The following SCN9A variants were observed in gnomAD, a reference collection of about 807,000 sequenced individuals.
SCN9A encodes sodium voltage-gated channel alpha subunit 9, also known as sodium channel protein type 9 subunit alpha.
SCN9A carries 131 observed loss-of-function variants against 187.0 expected under a neutral mutation model. The observed-to-expected ratio is 0.70, with a 90% CI of 0.61 to 0.81. The LOEUF is 0.81. Among genes scored for constraint, SCN9A ranks in the 30% least tolerant of loss-of-function variants. SCN9A has a pLI of 0.00. For synonymous variants in SCN9A, 809 were observed against 808.6 expected, an observed-to-expected ratio of 1.00 and a Z score of -0.01; for missense variants, 2,252 against 2,396.6, an observed-to-expected ratio of 0.94 and a Z score of 1.26.
intron 24 of SCN9A, among the ~76,000 whole-genome samples, chr2:166,215,535 A>C (rs563210815): frequency 6.6e-6 from 1 of 152,166 alleles, no homozygotes; most frequent in East Asian, 1.9e-4. Flanking sequence ...TAACCAAGGG[A>C]AAAAAGACAA....
At chr2:166,351,864 C>T (rs1700041216) in intron 1 of SCN9A, among the ~76,000 whole-genome samples, 1 of 152,020 alleles carries the variant, frequency 6.6e-6, no homozygotes, top group Non-Finnish European at 1.5e-5. Context: ...TCATCATCAA[C>T]CTGATACCAT....
intron 1 of SCN9A, among the ~76,000 whole-genome samples, chr2:166,370,238 C>A (rs1389914870): frequency 4.0e-5 from 6 of 149,204 alleles, no homozygotes; most frequent in African/African-American, 1.5e-4. Context: ...TAATAATAAT[C>A]ATCATCATCA....
intron 9 of SCN9A, among the ~76,000 whole-genome samples, chr2:166,289,751 C>T (rs1697956517): frequency 6.6e-6 from 1 of 152,102 alleles, no homozygotes; most frequent in Admixed American, 6.6e-5. Context: ...CTAATTTACA[C>T]TCCTACCAAC....
intron 24 of SCN9A, among the ~76,000 whole-genome samples, chr2:166,206,695 C>A (rs1003281224): frequency 6.6e-6 from 1 of 151,926 alleles, no homozygotes; most frequent in South Asian, 2.1e-4. Context: ...CATACAATAA[C>A]CAAAATTGTA....
chr2:166,339,058 C>T (rs972648370), intron 1 of SCN9A, among the ~76,000 whole-genome samples: 2 of 152,126 alleles, frequency 1.3e-5, no homozygotes, highest in African/African-American at 2.4e-5. Context: ...ATCGATGACT[C>T]ATTTGGCTTT....
rs372584040 is a variant in SCN9A, at chr2:166,276,979, A to G, written c.2874+4T>C. The G allele has an allele frequency of 3.4e-5, 54 of 1,610,222 alleles. No individual in the cohort carries two copies. The highest frequency in any genetic ancestry group is 4.2e-5 in the Non-Finnish European group (50 of 1,177,824). Reference sequence around the variant, plus strand: ...TTAAAATGCATGAACATCTGGTTACATACCACCAGGTTTCCAATGACCATG... The same window carrying G: ...TTAAAATGCATGAACATCTGGTTACGTACCACCAGGTTTCCAATGACCATG... On this transcript the variant is annotated splice_donor_region_variant and intron_variant, in intron 16 of 26. Coordinates refer to ENST00000642356, the MANE Select transcript of SCN9A (RefSeq NM_001365536.1).
intron 24 of SCN9A, among the ~76,000 whole-genome samples, chr2:166,207,031 C>A (rs1284645572): frequency 6.6e-6 from 1 of 152,140 alleles, no homozygotes; most frequent in Non-Finnish European, 1.5e-5. Flanking sequence ...AAGCCTAAAT[C>A]TTACAAAGGG....
At chr2:166,366,156 A>G (rs953753624) in intron 1 of SCN9A, among the ~76,000 whole-genome samples, 1 of 152,192 alleles carries the variant, frequency 6.6e-6, no homozygotes, top group African/African-American at 2.4e-5. Flanking sequence ...TTGGAGGCCA[A>G]CTAGACCGGA....
chr2:166,311,550 G>A lies in SCN9A; in HGVS notation c.207C>T (p.Gly69=). Residue 69 remains glycine, a synonymous_variant, in exon 2 of 27, where the codon GGC becomes GGT. Coordinates refer to ENST00000642356, the MANE Select transcript of SCN9A (RefSeq NM_001365536.1). ...AGTCCTCCAGGGGCTCTGACACCATGCCGGGAGGAATGTCCCCATAGATGA... is the reference window on the plus strand; with the variant it reads ...AGTCCTCCAGGGGCTCTGACACCATACCGGGAGGAATGTCCCCATAGATGA... ...LPFIYGDIPP[G]MVSEPLEDLD... is the part of the protein sequence containing the mutation. 1 of 1,612,616 alleles carries A rather than the reference G, an allele frequency of 6.2e-7. No homozygotes were observed. The highest frequency in any genetic ancestry group is 8.5e-7 in the Non-Finnish European group (1 of 1,179,390).
chr2:166,250,476 A>T (rs1053248208), intron 18 of SCN9A, among the ~76,000 whole-genome samples: 1 of 152,120 alleles, frequency 6.6e-6, no homozygotes, highest in Non-Finnish European at 1.5e-5. Context: ...CTGAAGAACA[A>T]GATTTTAAAT....
At chr2:166,289,286 A>G (rs900874923) in intron 9 of SCN9A, among the ~76,000 whole-genome samples, 2 of 151,130 alleles carry the variant, frequency 1.3e-5, no homozygotes, top group African/African-American at 4.9e-5. Flanking sequence ...TGCTGCACCC[A>G]TCAACCTGTT....
chr2:166,329,630 C>T lies in SCN9A; in HGVS notation c.-50-17824G>A, dbSNP rs76564908. On this transcript the variant is annotated intron_variant, in intron 1 of 26. Coordinates refer to ENST00000642356, the MANE Select transcript of SCN9A (RefSeq NM_001365536.1). ...CAAATATTTTTAAGGTGCCAGGTGCCTGGGACACAATACTAACTAGGTGGC... is the reference window on the plus strand; with the variant it reads ...CAAATATTTTTAAGGTGCCAGGTGCTTGGGACACAATACTAACTAGGTGGC... 9.1e-3 allele frequency among the ~76,000 whole-genome samples: 1,382 copies of T among 152,070 alleles called. 31 individuals carry two copies. The highest frequency in any genetic ancestry group is 0.03 in the African/African-American group (1,253 of 41,460).
Position 166,242,631 on chromosome 2 carries a change from G to A in SCN9A, c.3498C>T (p.Cys1166=), listed in dbSNP as rs1189451394. 4 of 1,551,758 alleles carry A rather than the reference G, an allele frequency of 2.6e-6. 1 individual carries two copies. Among genetic ancestry groups the A allele is most frequent in the Middle Eastern group, 1.7e-4 (1 of 5,988 alleles). Residue 1166 remains cysteine, a synonymous_variant, in exon 19 of 27, where the codon TGC becomes TGT. Transcript: ENST00000642356. ...CTTTCCCTGACTCTATGTTAACTTG[G>A]CAGCATGAGAACCTCCATACACAAC... The part of the protein sequence containing the change: ...TDGCVWRFSC[C]QVNIESGKGK...
intron 10 of SCN9A, among the ~76,000 whole-genome samples, chr2:166,287,959 C>CAT (rs966341421): frequency 6.2e-5 from 9 of 145,900 alleles, no homozygotes; most frequent in South Asian, 2.1e-4. Flanking sequence ...TATATATATA[C>CAT]ATATATATAT....
At chr2:166,294,253 A>G (rs1698203562) in intron 8 of SCN9A, among the ~76,000 whole-genome samples, 1 of 152,220 alleles carries the variant, frequency 6.6e-6, no homozygotes. Flanking sequence ...TTGGGAGTAG[A>G]AAGAAAAATA....
rs1322811687 is a variant in SCN9A, at chr2:166,226,669, G to A, written c.4296C>T (p.Tyr1432=). ...TAAAGACGACAAAATAAATATACAT[G>A]TAGAGGCTATATTCATATTTGGGCT... ...DKQPKYEYSL[Y]MYIYFVVFII... Residue 1432 remains tyrosine (Y), a synonymous_variant, in exon 24 of 27, where the codon TAC becomes TAT. Transcript: ENST00000642356. 6.3e-7 allele frequency: 1 copy of A among 1,586,442 alleles called. No homozygotes were observed.
At chr2:166,311,382 TTTA>T (rs1698950067) in intron 2 of SCN9A, 114 bp downstream of exon 2, 26 of 83,488 alleles carry the variant, frequency 3.1e-4, no homozygotes, top group African/African-American at 4.4e-4. Flanking sequence ...ATATATTTAA[TTTA>T]ACATTCTGGT....
Position 166,198,705 on chromosome 2 carries a change from G to A in SCN9A, c.5934C>T (p.Asp1978=). ...KYEQDRTEKE[D]KGKDSKESKK ...TGCTTTCCTTGCTGTCTTTCCCTTT[G>A]TCTTCCTTTTCTGTTCTGTCTTGTT... Residue 1978 remains aspartate, a synonymous_variant, in exon 27 of 27, where the codon GAC becomes GAT. Coordinates refer to ENST00000642356, the MANE Select transcript of SCN9A (RefSeq NM_001365536.1). 1.2e-6 allele frequency: 2 copies of A among 1,606,864 alleles called. No homozygotes were observed. The highest frequency in any genetic ancestry group is 4.5e-5 in the East Asian group (2 of 44,802).
chr2:166,196,984 C>T lies in SCN9A; in HGVS notation c.*1688G>A, dbSNP rs1037898062. The T allele has an allele frequency of 3.3e-5, 5 of 151,972 alleles. No individual in the cohort carries two copies. The highest frequency in any genetic ancestry group is 1.2e-4 in the African/African-American group (5 of 41,408). 9.4% of individuals were successfully genotyped at this position (151,972 alleles called of 1,614,324 possible). On this transcript the variant is annotated 3_prime_UTR_variant, in exon 27 of 27. Coordinates refer to ENST00000642356, the MANE Select transcript of SCN9A (RefSeq NM_001365536.1). The stretch of plus-strand genomic sequence containing the variant: ...CCATAAATCTTTGTTTCTATAGGTA[C>T]GTTTAAATCCTCTTTCTTTTTAAAT...
Sources: allele counts gnomAD v4.1 joint callset (sites outside exome capture counted in the v4.1 genomes callset), GRCh38; gene constraint gnomAD v4.1.1; transcripts MANE v1.5; gene names NCBI Gene and HGNC (gene_info 2026-07-23, HGNC 2026-07-21).